NALCN: variants seen among roughly 807,000 people sequenced by gnomAD.
NALCN encodes the protein sodium leak channel NALCN.
NALCN carries 111 observed loss-of-function variants against 225.3 expected under a neutral mutation model. That is an observed-to-expected ratio of 0.49 (90% CI 0.42 to 0.58). The LOEUF is 0.58. Among genes scored for constraint, NALCN ranks in the 20% least tolerant of loss-of-function variants. NALCN has a pLI of 0.00. For synonymous variants in NALCN, 764 were observed against 769.0 expected (o/e 0.99, Z 0.11); for missense variants, 1,378 against 2,202.4 (o/e 0.63, Z 7.49).
chr13:101,378,042 G>C (rs1410664901), intron 4 of NALCN, among the ~76,000 whole-genome samples: 1 of 151,998 alleles, frequency 6.6e-6, no homozygotes, highest in Non-Finnish European at 1.5e-5. Context: ...CAAATATGGG[G>C]AGACTAGACT....
intron 6 of NALCN, among the ~76,000 whole-genome samples, chr13:101,349,106 T>C (rs1053641885): frequency 7.9e-5 from 12 of 152,164 alleles, no homozygotes; most frequent in Non-Finnish European, 1.8e-4. Flanking sequence ...CAATGATTCT[T>C]TCAGTGGTAA....
chr13:101,266,517 T>C (rs2042602697), intron 10 of NALCN, among the ~76,000 whole-genome samples: 1 of 152,172 alleles, frequency 6.6e-6, no homozygotes, highest in South Asian at 2.1e-4. Flanking sequence ...TAAATATAAA[T>C]TAGGATAATG....
intron 1 of NALCN, among the ~76,000 whole-genome samples, chr13:101,411,989 T>G (rs1016063908): frequency 1.2e-4 from 18 of 152,340 alleles, no homozygotes; most frequent in African/African-American, 3.1e-4. Context: ...AAGTATAACA[T>G]TAATCTAAAT....
chr13:101,104,614 G>C lies in NALCN; in HGVS notation c.2673C>G (p.Val891=). The change falls in exon 24 of 44, where the codon GTC becomes GTG. Residue 891 remains valine (V), a synonymous_variant. Transcript: ENST00000251127. The surrounding 1 kb of genome is among the most constrained non-coding windows in gnomAD (Gnocchi z 4.2). ...LLGLVTYLDW[V]MIIVTICSCI... ...AAGAGCAGATGGTTACGATGATCAT[G>C]ACCCAGTCCAGGTAAGTGACCAATC... 2.5e-6 allele frequency: 4 copies of C among 1,613,926 alleles called. No individual in the cohort carries two copies. The highest frequency in any genetic ancestry group is 3.4e-6 in the Non-Finnish European group (4 of 1,179,888).
At chr13:101,282,514 G>C (rs529463756) in intron 10 of NALCN, among the ~76,000 whole-genome samples, 2 of 152,296 alleles carry the variant, frequency 1.3e-5, no homozygotes, top group Admixed American at 6.5e-5. Context: ...ACAGGGGGTA[G>C]AAATGGGGAG....
At chr13:101,374,914 G>T (rs2046645638) in intron 6 of NALCN, among the ~76,000 whole-genome samples, 1 of 152,104 alleles carries the variant, frequency 6.6e-6, no homozygotes, top group Non-Finnish European at 1.5e-5. Context: ...TACTGTTTGT[G>T]CATGAATTAG....
intron 13 of NALCN, among the ~76,000 whole-genome samples, chr13:101,203,752 T>C (rs1374889819): frequency 6.6e-6 from 1 of 152,194 alleles, no homozygotes. Flanking sequence ...TATTAACTGT[T>C]AATGACAGTC....
At chr13:101,219,148 A>G (rs1035889837) in intron 13 of NALCN, among the ~76,000 whole-genome samples, 1 of 152,172 alleles carries the variant, frequency 6.6e-6, no homozygotes, top group African/African-American at 2.4e-5. Context: ...CAATTAAGAG[A>G]ATTTCAGTGA....
intron 13 of NALCN, among the ~76,000 whole-genome samples, chr13:101,216,086 G>A (rs1453446469): frequency 6.6e-6 from 1 of 151,962 alleles, no homozygotes; most frequent in African/African-American, 2.4e-5. Context: ...TCTGCCTACT[G>A]CACAGGAAAA....
intron 6 of NALCN, among the ~76,000 whole-genome samples, chr13:101,372,496 G>A (rs185403937): frequency 6.6e-6 from 1 of 152,170 alleles, no homozygotes. Flanking sequence ...ATTTCACAGG[G>A]ACTATTGTCT....
intron 7 of NALCN, among the ~76,000 whole-genome samples, chr13:101,318,236 C>T (rs2044623889): frequency 6.6e-6 from 1 of 152,146 alleles, no homozygotes; most frequent in African/African-American, 2.4e-5. Flanking sequence ...ATCCCATGCC[C>T]ACCAAGGTTG....
At chr13:101,178,851 G>A (rs925132608) in intron 14 of NALCN, among the ~76,000 whole-genome samples, 1 of 152,196 alleles carries the variant, frequency 6.6e-6, no homozygotes, top group African/African-American at 2.4e-5. Flanking sequence ...CTGCCTCCGT[G>A]ATCTCTTTAG....
At chr13:101,178,092 A>G (rs1297310760) in intron 14 of NALCN, among the ~76,000 whole-genome samples, 3 of 152,280 alleles carry the variant, frequency 2.0e-5, no homozygotes, top group Admixed American at 2.0e-4. Flanking sequence ...ATCATTCCAA[A>G]CTGGACATTT....
chr13:101,168,833 A>G (rs955181678), intron 15 of NALCN, among the ~76,000 whole-genome samples: 1 of 152,164 alleles, frequency 6.6e-6, no homozygotes, highest in African/African-American at 2.4e-5. Context: ...TGCTCTACAC[A>G]TTAGCCACAG....
intron 17 of NALCN, among the ~76,000 whole-genome samples, chr13:101,142,304 G>T (rs1198031604): frequency 6.6e-6 from 1 of 151,712 alleles, no homozygotes; most frequent in African/African-American, 2.4e-5. Flanking sequence ...ACCACGCCCA[G>T]CTGACTTTTG....
At chr13:101,246,454 A>G (rs921736343) in intron 11 of NALCN, among the ~76,000 whole-genome samples, 1 of 152,202 alleles carries the variant, frequency 6.6e-6, no homozygotes, top group African/African-American at 2.4e-5. Flanking sequence ...TTCAATAACA[A>G]CAAAAAGTGA....
At chr13:101,364,687 T>C (rs1281519073) in intron 6 of NALCN, among the ~76,000 whole-genome samples, 2 of 152,130 alleles carry the variant, frequency 1.3e-5, no homozygotes, top group African/African-American at 2.4e-5. Flanking sequence ...AGGGTGACTA[T>C]AGTAAACAGT....
At position 101,400,234 on chromosome 13, in the gene NALCN, T is replaced by C. The variant is rs113821770; in HGVS notation, c.-39-1069A>G. Among the ~76,000 whole-genome samples, 513 of 152,260 alleles carry C rather than the reference T, an allele frequency of 3.4e-3. 5 individuals are homozygous for C. Among genetic ancestry groups the C allele is most frequent in the African/African-American group, 0.012 (492 of 41,550 alleles). On this transcript the variant is annotated intron_variant, in intron 1 of 43. Coordinates refer to ENST00000251127, the MANE Select transcript of NALCN (RefSeq NM_052867.4). ...AGCTAGCCTCAAGGCAGGTAATAAC[T>C]TGACCAAGGCCATCCAAGCAAACTT...
At chr13:101,078,355 C>T (rs1468949100) in intron 34 of NALCN, among the ~76,000 whole-genome samples, 1 of 152,218 alleles carries the variant, frequency 6.6e-6, no homozygotes, top group African/African-American at 2.4e-5. Context: ...GGAAAAGCCA[C>T]AGACACTCAA....
Sources: allele counts gnomAD v4.1 joint callset (sites outside exome capture counted in the v4.1 genomes callset), GRCh38; gene constraint gnomAD v4.1.1; non-coding constraint Gnocchi (gnomAD v3.1); transcripts MANE v1.5; gene names NCBI Gene and HGNC (gene_info 2026-07-23, HGNC 2026-07-21).